The following TNRC6B variants were observed in gnomAD, a reference collection of about 807,000 sequenced individuals.
TNRC6B encodes trinucleotide repeat containing adaptor 6B.
Under a neutral mutation model 203.6 loss-of-function variants are expected in TNRC6B, and 52 were observed. The ratio of observed to expected loss-of-function variants is 0.26; its 90% confidence interval spans 0.20 to 0.32. The LOEUF is 0.32. Ranked by LOEUF, TNRC6B falls within the 10% of genes least tolerant of loss-of-function variation. TNRC6B has a pLI of 1.00. For synonymous variants in TNRC6B, 838 were observed against 845.7 expected (o/e 0.99, Z 0.16); for missense variants, 1,923 against 2,286.2 (o/e 0.84, Z 3.24).
intron 6 of TNRC6B, among the ~76,000 whole-genome samples, chr22:40,271,165 T>C (rs944376423): frequency 6.6e-6 from 1 of 152,266 alleles, no homozygotes; most frequent in Non-Finnish European, 1.5e-5. Flanking sequence ...GTCACAGTAA[T>C]GAGCAGAACT....
chr22:40,192,405 G>T (rs917976889), intron 1 of TNRC6B, among the ~76,000 whole-genome samples: 3 of 152,106 alleles, frequency 2.0e-5, no homozygotes, highest in African/African-American at 7.2e-5. Flanking sequence ...ATCACCTGAG[G>T]TCGGGAGTTG....
rs763435667 is a variant in TNRC6B at position 40,273,569 on chromosome 22, G to C, written c.3110G>C (p.Ser1037Thr). ...AGTGCTTCCTCCCACAACTCAGCAA[G>C]CTGGGGACAAGGAGGAAAGAAACAA... ...QGSASSHNSA[S>T]WGQGGKKQMK... The change falls in exon 7 of 23, where the codon AGC becomes ACC. Residue 1037 changes from serine to threonine, a missense_variant. Physicochemically the swap from Ser to Thr is moderately conservative, Grantham distance 58 (BLOSUM62 1). Transcript: ENST00000454349. 2 of 1,586,534 alleles carry C rather than the reference G, an allele frequency of 1.3e-6. No individual in the cohort carries two copies. The highest frequency in any genetic ancestry group is 2.3e-5 in the South Asian group (2 of 86,960).
At chr22:40,132,969 A>AAAAATATATATATAT (rs1282694632) in intron 3 of TNRC6B, among the ~76,000 whole-genome samples, 5 of 78,170 alleles carry the variant, frequency 6.4e-5, no homozygotes, top group African/African-American at 8.0e-5. Flanking sequence ...AAAAAAAAAA[A>AAAAATATATATATAT]ATATATATAT....
At chr22:40,200,278 C>CTTTTTTTTTTTTTTTT in intron 1 of TNRC6B, among the ~76,000 whole-genome samples, 1 of 75,510 alleles carries the variant, frequency 1.3e-5, no homozygotes, top group Non-Finnish European at 2.3e-5. Context: ...AAGTAATATT[C>CTTTTTTTTTTTTTTTT]TTTTTTTTTT....
At chr22:40,107,658 A>G (rs1395113545) in intron 1 of TNRC6B, among the ~76,000 whole-genome samples, 1 of 152,172 alleles carries the variant, frequency 6.6e-6, no homozygotes, top group African/African-American at 2.4e-5. Context: ...CTCGCTACAT[A>G]AAATGAACAT....
In TNRC6B at chr22:40,075,156, A is replaced by ATTT. The variant is rs58240994; in HGVS notation, c.-121+30179_-121+30181dup. ...TCTGTTCATATATATATATATATAT[A>ATTT]TTTTTTTTTTTTTTTTTTTTTTTCT... is the stretch of plus-strand genomic sequence containing the variant. On this transcript the variant is annotated intron_variant, in intron 1 of 23. Coordinates refer to the TNRC6B transcript ENST00000301923. 7.8e-3 allele frequency among the ~76,000 whole-genome samples: 277 copies of ATTT among 35,494 alleles called. 5 individuals carry two copies. Among genetic ancestry groups the ATTT allele is most frequent in the Middle Eastern group, 0.05 (2 of 40 alleles). 23.3% of individuals were successfully genotyped at this position (35,494 alleles called of 152,430 possible).
intron 22 of TNRC6B, 164 bp downstream of exon 22, chr22:40,321,393 G>A: frequency 1.2e-6 from 1 of 805,966 alleles, no homozygotes. Context: ...GAGGTGCCGG[G>A]TCTTTTCCAC....
upstream of TNRC6B, among the ~76,000 whole-genome samples, chr22:40,174,048 C>T (rs1480559971): frequency 6.6e-6 from 1 of 151,304 alleles, no homozygotes; most frequent in East Asian, 1.9e-4. Flanking sequence ...ATCTGCCTGG[C>T]TCAGTCTCCC....
intron 1 of TNRC6B, among the ~76,000 whole-genome samples, chr22:40,084,659 C>A (rs2068087779): frequency 6.6e-6 from 1 of 152,046 alleles, no homozygotes; most frequent in African/African-American, 2.4e-5. Flanking sequence ...GAGAATTAAT[C>A]CAGTCTGAGG....
chr22:40,332,707 G>A lies in TNRC6B; in HGVS notation c.*9466G>A, dbSNP rs1319501036. 6.6e-6 allele frequency: 1 copy of A among 152,514 alleles called. No individual in the cohort carries two copies. Among genetic ancestry groups the A allele is most frequent in the Non-Finnish European group, 1.5e-5 (1 of 68,020 alleles). The allele number at this position is 152,514 out of a possible 1,614,324, so 9.4% of individuals were successfully genotyped here. A position where few individuals can be genotyped will look rare whatever the true frequency, so the allele number is the denominator to read the frequency against. On this transcript the variant is annotated 3_prime_UTR_variant, in exon 23 of 23. Coordinates refer to ENST00000454349, the MANE Select transcript of TNRC6B (RefSeq NM_001162501.2). Reference sequence around the variant, plus strand: ...AAAATAAAATCCTGACGTTTCAACTGTCTCACACAAAATAATACCTCGAGG... The same window carrying A: ...AAAATAAAATCCTGACGTTTCAACTATCTCACACAAAATAATACCTCGAGG...
chr22:40,194,004 A>G (rs1265688426), intron 1 of TNRC6B, among the ~76,000 whole-genome samples: 4 of 152,110 alleles, frequency 2.6e-5, no homozygotes, highest in African/African-American at 7.2e-5. Context: ...GAACACAGTT[A>G]GTTGGGGTTG....
At chr22:40,071,332 C>T (rs1190895442) in intron 1 of TNRC6B, among the ~76,000 whole-genome samples, 3 of 152,086 alleles carry the variant, frequency 2.0e-5, no homozygotes, top group African/African-American at 7.2e-5. Context: ...TCGGAGGTAC[C>T]TCGTGTTAAT....
chr22:40,186,432 C>T (rs912874597), intron 1 of TNRC6B, among the ~76,000 whole-genome samples: 4 of 151,698 alleles, frequency 2.6e-5, no homozygotes, highest in African/African-American at 9.7e-5. Flanking sequence ...TTAAATTTTC[C>T]AGGAGTCACA....
At chr22:40,070,757 G>T (rs1020294185) in intron 1 of TNRC6B, among the ~76,000 whole-genome samples, 2 of 151,866 alleles carry the variant, frequency 1.3e-5, no homozygotes, top group African/African-American at 4.8e-5. Context: ...TTAAGGGCCA[G>T]ATGTATTTTA....
intron 4 of TNRC6B, chr22:40,156,251 A>T (rs545235048): frequency 6.8e-7 from 1 of 1,463,450 alleles, no homozygotes; most frequent in Non-Finnish European, 9.4e-7. Flanking sequence ...CAACATGCTG[A>T]TAAGCGTGTT....
chr22:40,087,903 A>G (rs6001752), intron 1 of TNRC6B, among the ~76,000 whole-genome samples: 10,588 of 152,114 alleles, frequency 0.07, 1,160 homozygotes, highest in African/African-American at 0.23. Flanking sequence ...CCCAGACTAG[A>G]GACCAGACAT....
chr22:40,163,649 T>C (rs2068892064), intron 4 of TNRC6B, among the ~76,000 whole-genome samples: 1 of 151,446 alleles, frequency 6.6e-6, no homozygotes, highest in African/African-American at 2.4e-5. Flanking sequence ...TAATCTCAGC[T>C]ACTCGGGAGG....
At chr22:40,046,009 A>G (rs2067684657) in intron 1 of TNRC6B, among the ~76,000 whole-genome samples, 1 of 152,254 alleles carries the variant, frequency 6.6e-6, no homozygotes, top group African/African-American at 2.4e-5. Flanking sequence ...AATTATACAA[A>G]ATTGGTCAAA....
intron 1 of TNRC6B, among the ~76,000 whole-genome samples, chr22:40,106,153 G>C (rs924544536): frequency 1.3e-5 from 2 of 150,992 alleles, no homozygotes; most frequent in African/African-American, 4.9e-5. Context: ...TTCTCTTTTA[G>C]AACTTGTTAG....
Sources: allele counts gnomAD v4.1 joint callset (sites outside exome capture counted in the v4.1 genomes callset), GRCh38; gene constraint gnomAD v4.1.1; transcripts MANE v1.5; gene names NCBI Gene and HGNC (gene_info 2026-07-23, HGNC 2026-07-21).